COX6C: variants seen among roughly 807,000 people sequenced by gnomAD.
COX6C encodes the protein cytochrome c oxidase subunit 6C, also known as cytochrome c oxidase polypeptide VIc.
COX6C carries 3 observed loss-of-function variants against 6.9 expected under a neutral mutation model. That is an observed-to-expected ratio of 0.43 (90% CI 0.20 to 1.12). The LOEUF (loss-of-function observed/expected upper bound fraction) is 1.12, where lower values mean the gene tolerates loss of function less well. Ranked by LOEUF, COX6C falls within the 50% of genes most tolerant of loss-of-function variation. The pLI, the probability that COX6C is intolerant of heterozygous loss-of-function variation, is 0.27. For synonymous variants in COX6C, 32 were observed against 32.0 expected (o/e 1.00, Z 0.00); for missense variants, 101 against 97.3 (o/e 1.04, Z -0.16).
rs528630487 is a variant in COX6C, at chr8:99,880,362, G to C, written c.*16-2097C>G. Among the ~76,000 whole-genome samples, 71 of 152,310 alleles carry C rather than the reference G, an allele frequency of 4.7e-4. 1 individual carries two copies. The South Asian group carries it at 0.015, about 32-fold the overall frequency. ...AAAAAATGCTCAATGAGCTAAAGGA[G>C]AGTGTGGACAACTAAGCAAAATTAG... is the stretch of plus-strand genomic sequence containing the variant. On this transcript the variant is annotated intron_variant, in intron 3 of 3. Transcript: ENST00000520468.
chr8:99,891,091 T>C (rs1011550315), intron 2 of COX6C, among the ~76,000 whole-genome samples: 5 of 152,264 alleles, frequency 3.3e-5, no homozygotes, highest in Admixed American at 6.5e-5. Context: ...CTCTGCATAC[T>C]AGCTTCTGTA....
In COX6C at chr8:99,891,924, A is replaced by G; in HGVS notation, c.98T>C (p.Val33Ala). The G allele has an allele frequency of 6.2e-7, 1 of 1,613,984 alleles. No individual in the cohort carries two copies. The part of the protein sequence containing the change: ...MAVAFVLSLG[V>A]AALYKFRVAD... ...CATACATACCTTATACAAAGCTGCA[A>G]CCCCCAGGGATAGCACGAATGCTAC... The change falls in exon 2 of 4, where the codon GTT (valine) becomes GCT (alanine). Residue 33 changes from valine to alanine, a missense_variant. Physicochemically the swap from Val to Ala is moderately conservative, Grantham distance 64. Coordinates refer to ENST00000520468, the MANE Select transcript of COX6C (RefSeq NM_004374.4).
chr8:99,883,731 G>A (rs139986365), intron 3 of COX6C, among the ~76,000 whole-genome samples: 333 of 152,086 alleles, frequency 2.2e-3, no homozygotes, highest in Non-Finnish European at 3.6e-3. Context: ...GAAAACTATA[G>A]GCCAAATCCT....
chr8:99,885,404 C>T (rs949495514), intron 3 of COX6C, among the ~76,000 whole-genome samples: 3 of 152,156 alleles, frequency 2.0e-5, no homozygotes, highest in Admixed American at 1.3e-4. Flanking sequence ...CTAGAGGGGT[C>T]TTGAAACATA....
chr8:99,880,453 C>T (rs965431807), intron 3 of COX6C, among the ~76,000 whole-genome samples: 4 of 152,064 alleles, frequency 2.6e-5, no homozygotes, highest in African/African-American at 9.7e-5. Flanking sequence ...ACCAAACACA[C>T]TGTGGAGCTG....
chr8:99,883,220 C>G (rs951179843), intron 3 of COX6C, among the ~76,000 whole-genome samples: 3 of 151,820 alleles, frequency 2.0e-5, no homozygotes, highest in Admixed American at 6.6e-5. Context: ...TGAATCCTAC[C>G]AAACTTTTTT....
intron 3 of COX6C, chr8:99,878,913 T>C (rs966124605): frequency 3.3e-5 from 5 of 152,220 alleles, no homozygotes; most frequent in African/African-American, 1.2e-4. Flanking sequence ...TCCAGGGTCT[T>C]AAATGCATTT....
At chr8:99,883,928 A>G (rs970415569) in intron 3 of COX6C, among the ~76,000 whole-genome samples, 2 of 152,230 alleles carry the variant, frequency 1.3e-5, no homozygotes, top group African/African-American at 4.8e-5. Context: ...ATCTCAAAAA[A>G]TGCAGAAAAA....
rs760438306 is a variant in COX6C, at chr8:99,888,581, T to A, written c.115-963A>T. Among the ~76,000 whole-genome samples, 298 of 151,896 alleles carry A rather than the reference T, an allele frequency of 2.0e-3. 5 individuals are homozygous for A. The highest frequency in any genetic ancestry group is 8.2e-4 in the Non-Finnish European group (56 of 67,916). ...AGAGCAAGACTCCGTCTTGAAAAAA[T>A]TAAAATAAAAAGAGGCAGAAGCACA... On this transcript the variant is annotated intron_variant, in intron 2 of 3. Coordinates refer to ENST00000520468, the MANE Select transcript of COX6C (RefSeq NM_004374.4).
chr8:99,882,659 T>TA (rs1194888072), intron 3 of COX6C, among the ~76,000 whole-genome samples: 1 of 152,048 alleles, frequency 6.6e-6, no homozygotes, highest in Admixed American at 6.6e-5. Flanking sequence ...GTCAGACTAA[T>TA]AAAAAAAGAG....
chr8:99,883,935 A>G (rs774999033), intron 3 of COX6C, among the ~76,000 whole-genome samples: 13 of 152,344 alleles, frequency 8.5e-5, no homozygotes, highest in Middle Eastern at 3.4e-3. Flanking sequence ...AAAATGCAGA[A>G]AAAGTACTTG....
intron 3 of COX6C, among the ~76,000 whole-genome samples, chr8:99,881,061 T>C (rs1817854524): frequency 6.6e-6 from 1 of 152,162 alleles, no homozygotes; most frequent in South Asian, 2.1e-4. Flanking sequence ...TAGAAGCTTA[T>C]ATTAAAATTT....
chr8:99,889,044 T>C (rs536263344), intron 2 of COX6C, among the ~76,000 whole-genome samples: 2 of 152,326 alleles, frequency 1.3e-5, no homozygotes, highest in South Asian at 4.1e-4. Context: ...CCTTCAATGT[T>C]TCCATGTGCC....
chr8:99,891,830 G>A (rs2131012420), intron 2 of COX6C, 78 bp downstream of exon 2: 2 of 1,201,480 alleles, frequency 1.7e-6, no homozygotes, highest in South Asian at 1.2e-5. Context: ...ACATTACAAG[G>A]GGGAGTTTCT....
chr8:99,890,243 A>T (rs945282101), intron 2 of COX6C, among the ~76,000 whole-genome samples: 1 of 152,164 alleles, frequency 6.6e-6, no homozygotes, highest in African/African-American at 2.4e-5. Flanking sequence ...GATTACAGGC[A>T]TGAGACACCA....
At chr8:99,888,617 G>A (rs1244650649) in intron 2 of COX6C, among the ~76,000 whole-genome samples, 1 of 152,156 alleles carries the variant, frequency 6.6e-6, no homozygotes, top group African/African-American at 2.4e-5. Context: ...AGTGCTGGGG[G>A]CCATCATTAC....
chr8:99,886,413 G>A (rs1422033086), intron 3 of COX6C: 1 of 152,162 alleles, frequency 6.6e-6, no homozygotes, highest in Non-Finnish European at 1.5e-5. Flanking sequence ...AAGTGTTGGG[G>A]AGGATGGAAA....
At chr8:99,892,966 T>TA (rs1818078247) in intron 1 of COX6C, 1 of 152,096 alleles carries the variant, frequency 6.6e-6, no homozygotes, top group Non-Finnish European at 1.5e-5. Context: ...ACGCGGCAAA[T>TA]ACCATGAGGG....
chr8:99,887,541 C>G lies in COX6C; in HGVS notation c.192G>C (p.Glu64Asp), dbSNP rs369361916. The change falls in exon 3 of 4, where the codon GAG becomes GAC. Residue 64 changes from glutamate (E) to aspartate (D), a missense_variant. Transcript: ENST00000520468. ...TCTGAAAGATACCAGCCTTCCTCAT[C>G]TCCTCAAAATCTTTCATGACATCGT... Reference protein sequence around the residue: ...RNYDVMKDFEEMRKAGIFQSV... With the variant: ...RNYDVMKDFEDMRKAGIFQSV... 6.2e-6 allele frequency: 10 copies of G among 1,608,982 alleles called. No homozygotes were observed. The highest frequency in any genetic ancestry group is 8.5e-6 in the Non-Finnish European group (10 of 1,178,146).
Sources: gnomAD v4.1 joint callset for allele counts (sites outside exome capture counted in the v4.1 genomes callset) on GRCh38, gnomAD v4.1.1 for gene constraint, MANE v1.5 for transcripts, NCBI Gene and HGNC (gene_info 2026-07-23, HGNC 2026-07-21) for gene names.